FREM1: variants seen among roughly 807,000 people sequenced by gnomAD.
FREM1 encodes the protein FRAS1 related extracellular matrix 1.
A neutral mutation model predicts 210.1 loss-of-function variants in FREM1; 220 were observed. That is an observed-to-expected ratio of 1.05 (90% CI 0.94 to 1.17). The LOEUF (loss-of-function observed/expected upper bound fraction) is 1.17, where lower values mean the gene tolerates loss of function less well. Ranked by LOEUF, FREM1 falls within the 50% of genes most tolerant of loss-of-function variation. FREM1 has a pLI of 0.00. For synonymous variants in FREM1, 1,189 were observed against 980.2 expected (o/e 1.21, Z -3.98); for missense variants, 3,454 against 2,675.5 (o/e 1.29, Z -6.42).
In FREM1 at chr9:14,842,418, G is replaced by T. The variant is rs748640485; in HGVS notation, c.1636C>A (p.Arg546=). 8.7e-6 allele frequency: 14 copies of T among 1,613,882 alleles called. No individual in the cohort carries two copies. In the Admixed American group the frequency reaches 1.2e-4, roughly 13 times the overall value. ...TCACTGGCGTCCACATCTGAAGCTCGCAGCATGGATCCCTGGATCAGGATG... is the reference window on the plus strand; with the variant it reads ...TCACTGGCGTCCACATCTGAAGCTCTCAGCATGGATCCCTGGATCAGGATG... The part of the protein sequence containing the change: ...QTILIQGSML[R]ASDVDASDDY... Residue 546 remains arginine (R), a synonymous_variant, in exon 9 of 37, where the codon CGA becomes AGA. Coordinates refer to ENST00000380880, the MANE Select transcript of FREM1 (RefSeq NM_001379081.2).
chr9:14,816,478 G>T (rs1306383461), intron 15 of FREM1, among the ~76,000 whole-genome samples: 1 of 152,030 alleles, frequency 6.6e-6, no homozygotes, highest in Non-Finnish European at 1.5e-5. Context: ...AACAGTGTTG[G>T]GAGGTGGGAG....
At position 14,759,897 on chromosome 9, in the gene FREM1, C is replaced by G; in HGVS notation, c.5209G>C (p.Glu1737Gln). Residue 1737 changes from glutamate (E) to glutamine (Q), a missense_variant, in exon 28 of 37, where the codon GAA becomes CAA. By Grantham distance (29) the Glu-to-Gln change is conservative. Coordinates refer to ENST00000380880, the MANE Select transcript of FREM1 (RefSeq NM_001379081.2). ...TGNSATPQIL[E>Q]LKWSHIEWSQ... ...CATTCAATATGAGACCACTTCAGTT[C>G]CAAACTGTGTGTGAAAGGAAAAGAG... The G allele has an allele frequency of 6.2e-7, 1 of 1,608,598 alleles. No individual in the cohort carries two copies. Among genetic ancestry groups the G allele is most frequent in the Non-Finnish European group, 8.5e-7 (1 of 1,177,074 alleles).
At chr9:14,872,575 C>T (rs557609112) in intron 1 of FREM1, among the ~76,000 whole-genome samples, 2 of 152,138 alleles carry the variant, frequency 1.3e-5, no homozygotes, top group East Asian at 3.9e-4. Context: ...TGGACTGAGA[C>T]AATGGGGTTT....
At chr9:14,858,699 G>A (rs866037416) in intron 4 of FREM1, among the ~76,000 whole-genome samples, 3 of 152,140 alleles carry the variant, frequency 2.0e-5, no homozygotes, top group Non-Finnish European at 4.4e-5. Context: ...AATAGCAGAA[G>A]GAATGTTACC....
At chr9:14,876,383 C>G (rs7867662) in intron 1 of FREM1, among the ~76,000 whole-genome samples, 28,485 of 151,934 alleles carry the variant, frequency 0.19, 2,811 homozygotes, top group Middle Eastern at 0.26. Context: ...TGGGCAATGG[C>G]GGGCGCCCCT....
Position 14,813,001 on chromosome 9 carries a change from A to G in FREM1, c.2704T>C (p.Ser902Pro), listed in dbSNP as rs1423344418. 6.2e-7 allele frequency: 1 copy of G among 1,613,910 alleles called. No individual in the cohort carries two copies. Among genetic ancestry groups the G allele is most frequent in the South Asian group, 1.1e-5 (1 of 91,076 alleles). The change falls in exon 16 of 37, where the codon TCA (serine) becomes CCA (proline). Residue 902 changes from serine (S) to proline (P), a missense_variant. Ser to Pro is a moderately conservative substitution (Grantham distance 74, BLOSUM62 -1). Transcript: ENST00000380880. ...GTGATGACCACCTCTCCTCCCTCTG[A>G]GCAATTCATGACAGGCATGAGGTCA... The part of the protein sequence containing the change: ...KADLMPVMNC[S>P]EGGEVVITSE...
In FREM1 at chr9:14,746,960, T is replaced by A; in HGVS notation, c.6101A>T (p.Asn2034Ile). The A allele has an allele frequency of 6.2e-7, 1 of 1,613,434 alleles. No homozygotes were observed. Among genetic ancestry groups the A allele is most frequent in the Non-Finnish European group, 8.5e-7 (1 of 1,179,714 alleles). The change falls in exon 34 of 37, where the codon AAT (asparagine) becomes ATT (isoleucine). Residue 2034 changes from asparagine to isoleucine, a missense_variant. Asn to Ile is a moderately radical substitution (Grantham distance 149, BLOSUM62 -3). Transcript: ENST00000380880. ...EEGIQKLYQC[N>I]GIAWKAWSPQ... ...ACTCCAGGCTTTCCAGGCGATCCCA[T>A]TGCACTGATACAGCTTCTGGATGCC...
chr9:14,844,373 G>A (rs937364127), intron 8 of FREM1, among the ~76,000 whole-genome samples: 11 of 151,986 alleles, frequency 7.2e-5, no homozygotes, highest in Non-Finnish European at 1.5e-4. Context: ...CTACAGGCAC[G>A]CACCACCATG....
intron 23 of FREM1, among the ~76,000 whole-genome samples, chr9:14,788,548 TC>T (rs1850767376): frequency 6.6e-6 from 1 of 152,224 alleles, no homozygotes; most frequent in Admixed American, 6.5e-5. Context: ...CCTTTGAAAC[TC>T]CATTTTCCAG....
chr9:14,785,330 G>A (rs1299915678), intron 23 of FREM1, among the ~76,000 whole-genome samples: 1 of 152,218 alleles, frequency 6.6e-6, no homozygotes, highest in Non-Finnish European at 1.5e-5. Flanking sequence ...TGAGCAAGCT[G>A]AGAAAATGAT....
chr9:14,810,479 TC>T (rs1819200469), intron 16 of FREM1, among the ~76,000 whole-genome samples: 1 of 152,054 alleles, frequency 6.6e-6, no homozygotes, highest in Non-Finnish European at 1.5e-5. Flanking sequence ...GAAGACAGGG[TC>T]TCACTCTGCT....
intron 20 of FREM1, among the ~76,000 whole-genome samples, chr9:14,798,308 T>C (rs1484632332): frequency 6.6e-6 from 1 of 152,234 alleles, no homozygotes; most frequent in Non-Finnish European, 1.5e-5. Flanking sequence ...TAAAGATAGT[T>C]GTATAAAATT....
intron 10 of FREM1, among the ~76,000 whole-genome samples, chr9:14,839,083 T>C (rs1825165688): frequency 6.6e-6 from 1 of 152,148 alleles, no homozygotes; most frequent in African/African-American, 2.4e-5. Context: ...ATCGCAACTA[T>C]AAGGATTTGG....
chr9:14,832,866 T>G (rs1823832050), intron 10 of FREM1, among the ~76,000 whole-genome samples: 1 of 152,196 alleles, frequency 6.6e-6, no homozygotes, highest in East Asian at 1.9e-4. Flanking sequence ...AACAATCTTG[T>G]ATGCTTTGCG....
At chr9:14,779,671 G>T (rs921521281) in intron 24 of FREM1, 14 of 163,918 alleles carry the variant, frequency 8.5e-5, no homozygotes, top group Non-Finnish European at 1.4e-4. Flanking sequence ...CTCCCTGCTG[G>T]AAGATCGTGA....
chr9:14,747,625 T>A, intron 32 of FREM1, 56 bp downstream of exon 32: 1 of 1,118,514 alleles, frequency 8.9e-7, no homozygotes, highest in Non-Finnish European at 1.3e-6. Flanking sequence ...AATAGCTTCA[T>A]TAAATACTTG....
At chr9:14,762,981 A>T (rs1845778977) in intron 27 of FREM1, among the ~76,000 whole-genome samples, 1 of 152,194 alleles carries the variant, frequency 6.6e-6, no homozygotes, top group Non-Finnish European at 1.5e-5. Context: ...CTAGATGTGT[A>T]GGTGTCATGT....
chr9:14,841,647 C>A, intron 9 of FREM1, 58 bp from the exon 10 acceptor site: 1 of 1,357,188 alleles, frequency 7.4e-7, no homozygotes, highest in South Asian at 1.8e-5. Context: ...TATCGAGGGA[C>A]AATGATATTG....
chr9:14,846,065 G>A lies in FREM1; in HGVS notation c.1288C>T (p.Arg430Ter), dbSNP rs369363695. The A allele has an allele frequency of 1.2e-5, 19 of 1,591,124 alleles. No homozygotes were observed. In the African/African-American group the frequency reaches 2.0e-4, roughly 17 times the overall value. ...TGLSLLEGQS[R>*]AITWEQFQVV... ...TGAAACTGTTCCCAAGTGATGGCTC[G>A]AGACTGCCCCTCAAGGAGACTCAGA... is the stretch of plus-strand genomic sequence containing the variant. The change falls in exon 8 of 37, where the codon CGA becomes TGA. Residue 430 changes from arginine (R) to a stop codon, truncating the protein, a stop_gained. Coordinates refer to ENST00000380880, the MANE Select transcript of FREM1 (RefSeq NM_001379081.2). LOFTEE classifies it high-confidence loss of function.
Sources: gnomAD v4.1 joint callset for allele counts (sites outside exome capture counted in the v4.1 genomes callset) on GRCh38, gnomAD v4.1.1 for gene constraint, MANE v1.5 for transcripts, NCBI Gene and HGNC (gene_info 2026-07-23, HGNC 2026-07-21) for gene names.